The following CCDC178 variants were observed in gnomAD, a reference collection of about 807,000 sequenced individuals.
CCDC178 encodes coiled-coil domain containing 178, also known as coiled-coil domain-containing protein 178.
CCDC178 carries 126 observed loss-of-function variants against 117.4 expected under a neutral mutation model. The ratio of observed to expected loss-of-function variants is 1.07; its 90% confidence interval spans 0.93 to 1.24. The LOEUF (loss-of-function observed/expected upper bound fraction) is 1.24, where lower values mean the gene tolerates loss of function less well. Among genes scored for constraint, CCDC178 ranks in the 50% most tolerant of loss-of-function variants. The probability of loss-of-function intolerance (pLI) is 0.00; values close to 1 mark genes in which losing one functional copy is unlikely to be tolerated. For missense variants in CCDC178, 1,030 were observed against 986.9 expected, an observed-to-expected ratio of 1.04 and a Z score of -0.59; for synonymous variants, 283 against 313.4, an observed-to-expected ratio of 0.90 and a Z score of 1.02.
At chr18:33,139,993 G>C (rs2058180424) in intron 20 of CCDC178, among the ~76,000 whole-genome samples, 1 of 152,156 alleles carries the variant, frequency 6.6e-6, no homozygotes, top group Non-Finnish European at 1.5e-5. Flanking sequence ...AGCTACTCCA[G>C]CTGTGACTAA....
rs562213419 is a variant in CCDC178, at chr18:33,155,014, T to A, written c.2238+56882A>T. ...TATAGAAGTTGTAGAAAAGAACAAT[T>A]ATCTTAACATAATTGAGATTATAGA... is the stretch of plus-strand genomic sequence containing the variant. On this transcript the variant is annotated intron_variant, in intron 20 of 22. Coordinates refer to ENST00000383096, the MANE Select transcript of CCDC178 (RefSeq NM_001105528.4). Among the ~76,000 whole-genome samples the A allele has an allele frequency of 4.6e-5, 7 of 152,256 alleles. No individual in the cohort carries two copies. The East Asian group carries it at 9.6e-4, about 21-fold the overall frequency.
intron 6 of CCDC178, among the ~76,000 whole-genome samples, chr18:33,356,676 A>G (rs1168622462): frequency 2.0e-5 from 3 of 152,190 alleles, no homozygotes; most frequent in Admixed American, 1.3e-4. Context: ...AAATTAAAAC[A>G]GAAATCTTAA....
intron 14 of CCDC178, among the ~76,000 whole-genome samples, chr18:33,250,080 T>C (rs1015135738): frequency 1.3e-5 from 2 of 151,656 alleles, no homozygotes; most frequent in Admixed American, 6.6e-5. Flanking sequence ...TTAAAATAAC[T>C]ATTAAAGAAT....
intron 21 of CCDC178, among the ~76,000 whole-genome samples, chr18:33,078,286 A>G (rs1390290349): frequency 6.6e-6 from 1 of 152,196 alleles, no homozygotes; most frequent in Non-Finnish European, 1.5e-5. Context: ...ACAACTCAAA[A>G]TAATAAGAGC....
chr18:33,008,894 C>T (rs930714352), intron 21 of CCDC178, among the ~76,000 whole-genome samples: 3 of 152,090 alleles, frequency 2.0e-5, no homozygotes, highest in African/African-American at 7.2e-5. Flanking sequence ...AACAAACTAC[C>T]TGACATCTTC....
At chr18:33,435,684 T>TAATAATAATATTTATTATTATAGTAC (rs2064279419) in intron 2 of CCDC178, among the ~76,000 whole-genome samples, 1 of 143,782 alleles carries the variant, frequency 7.0e-6, no homozygotes. Flanking sequence ...ACATTATTTA[T>TAATAATAATATTTATTATTATAGTAC]AATAATAATA....
At chr18:32,994,092 A>G (rs1200670861) in intron 21 of CCDC178, among the ~76,000 whole-genome samples, 1 of 152,058 alleles carries the variant, frequency 6.6e-6, no homozygotes, top group Non-Finnish European at 1.5e-5. Flanking sequence ...TATCTCTAAA[A>G]AAGCCTGCCT....
At chr18:33,348,184 G>C (rs1297362672) in intron 8 of CCDC178, among the ~76,000 whole-genome samples, 1 of 151,766 alleles carries the variant, frequency 6.6e-6, no homozygotes, top group East Asian at 1.9e-4. Flanking sequence ...ATGAATGAAA[G>C]CTTTGAAAAA....
chr18:33,132,893 C>G (rs2058082794), intron 20 of CCDC178, among the ~76,000 whole-genome samples: 1 of 151,678 alleles, frequency 6.6e-6, no homozygotes, highest in Admixed American at 6.6e-5. Context: ...AGAAAGAAAA[C>G]TTTGCAACAG....
chr18:33,112,291 A>T (rs2057794165), intron 20 of CCDC178, among the ~76,000 whole-genome samples: 1 of 151,876 alleles, frequency 6.6e-6, no homozygotes, highest in South Asian at 2.1e-4. Flanking sequence ...CTTACAGGGA[A>T]ATTGGACTGT....
At chr18:33,298,432 CA>C (rs1454876679) in intron 11 of CCDC178, among the ~76,000 whole-genome samples, 1 of 152,016 alleles carries the variant, frequency 6.6e-6, no homozygotes, top group African/African-American at 2.4e-5. Flanking sequence ...AACATTTCAT[CA>C]CAATAAAAAA....
chr18:33,389,704 T>TA (rs2063541763), intron 4 of CCDC178, 75 bp from the exon 5 acceptor site: 5 of 617,050 alleles, frequency 8.1e-6, no homozygotes, highest in Middle Eastern at 7.4e-4. Context: ...CACCACCATG[T>TA]AAAAAACTAC....
At position 33,400,096 on chromosome 18, in the gene CCDC178, A is replaced by ATT. The variant is rs34890018; in HGVS notation, c.59-2890_59-2889dup. On this transcript the variant is annotated intron_variant, in intron 3 of 22. Transcript: ENST00000383096. ...TCAGTGGAAGTAATATTTTAAAGAA[A>ATT]TTTTTTTTTTTTTTTTTTTGAGCAG... 6.2e-4 allele frequency among the ~76,000 whole-genome samples: 86 copies of ATT among 137,716 alleles called. 1 individual carries two copies. Among genetic ancestry groups the ATT allele is most frequent in the Middle Eastern group, 3.9e-3 (1 of 254 alleles). The allele number at this position is 137,716 out of a possible 152,430, so 90.3% of individuals were successfully genotyped here.
At chr18:33,110,532 T>C (rs1353844426) in intron 20 of CCDC178, among the ~76,000 whole-genome samples, 1 of 151,618 alleles carries the variant, frequency 6.6e-6, no homozygotes, top group East Asian at 1.9e-4. Context: ...AACTTTAACA[T>C]TTATATCTGT....
At chr18:33,072,033 C>T (rs1287631896) in intron 21 of CCDC178, among the ~76,000 whole-genome samples, 1 of 151,992 alleles carries the variant, frequency 6.6e-6, no homozygotes, top group African/African-American at 2.4e-5. Flanking sequence ...ACAGGAAATT[C>T]TTAAAAAGAG....
intron 20 of CCDC178, among the ~76,000 whole-genome samples, chr18:33,154,772 G>T (rs903404172): frequency 6.6e-6 from 1 of 152,024 alleles, no homozygotes; most frequent in African/African-American, 2.4e-5. Context: ...GACAAAACTT[G>T]CATTAAGACA....
chr18:33,108,744 A>T (rs1223933623), intron 20 of CCDC178, among the ~76,000 whole-genome samples: 1 of 151,714 alleles, frequency 6.6e-6, no homozygotes, highest in African/African-American at 2.4e-5. Context: ...CTCTCTAGCC[A>T]ATAACTTTTC....
chr18:33,253,659 T>C (rs1325079603), intron 14 of CCDC178, among the ~76,000 whole-genome samples: 3 of 151,922 alleles, frequency 2.0e-5, no homozygotes, highest in Non-Finnish European at 2.9e-5. Flanking sequence ...CCATAAGCTT[T>C]TGATTTTTTT....
intron 22 of CCDC178, among the ~76,000 whole-genome samples, chr18:32,945,777 G>A (rs1350666799): frequency 1.3e-5 from 2 of 152,036 alleles, no homozygotes; most frequent in Non-Finnish European, 2.9e-5. Flanking sequence ...TTTTTACCAT[G>A]TTCATGCAGA....
Sources: gnomAD v4.1 joint callset for allele counts (sites outside exome capture counted in the v4.1 genomes callset) on GRCh38, gnomAD v4.1.1 for gene constraint, MANE v1.5 for transcripts, NCBI Gene and HGNC (gene_info 2026-07-23, HGNC 2026-07-21) for gene names.